Variants in ARHGEF11 observed in about 807,000 individuals in gnomAD.
The protein encoded by ARHGEF11 is Rho guanine exchange factor (GEF) 11.
Under a neutral mutation model 193.7 loss-of-function variants are expected in ARHGEF11, and 55 were observed. The ratio of observed to expected loss-of-function variants is 0.28; its 90% CI spans 0.23 to 0.36. The LOEUF is 0.36. Ranked by LOEUF, ARHGEF11 falls within the 10% of genes least tolerant of loss-of-function variation. The pLI is 1.00. For missense variants in ARHGEF11, 1,723 were observed against 2,005.6 expected, an observed-to-expected ratio of 0.86 and a Z score of 2.69; for synonymous variants, 693 against 768.0, an observed-to-expected ratio of 0.90 and a Z score of 1.62.
At chr1:157,007,052 T>A (rs1342787768) in intron 1 of ARHGEF11, among the ~76,000 whole-genome samples, 2 of 152,090 alleles carry the variant, frequency 1.3e-5, no homozygotes, top group Non-Finnish European at 2.9e-5. Flanking sequence ...CATGACTGAC[T>A]GGGTAAATGA....
intron 1 of ARHGEF11, among the ~76,000 whole-genome samples, chr1:156,992,206 T>C (rs1347225771): frequency 1.3e-5 from 2 of 152,204 alleles, no homozygotes; most frequent in African/African-American, 2.4e-5. Flanking sequence ...ATATTCTTAT[T>C]TTCCTTTCTT....
chr1:157,044,859 G>GA lies in ARHGEF11; in HGVS notation c.-530dup, dbSNP rs371384723. The GA allele has an allele frequency of 8.2e-3, 1,616 of 195,992 alleles. 9 individuals carry two copies. The highest frequency in any genetic ancestry group is 0.025 in the African/African-American group (1,053 of 41,572). 12.1% of individuals were successfully genotyped at this position (195,992 alleles called of 1,614,324 possible). On this transcript the variant is annotated 5_prime_UTR_variant, in exon 1 of 41. An upstream open reading frame in the 5' UTR loses its in-frame stop. Coordinates refer to ENST00000368194, the MANE Select transcript of ARHGEF11 (RefSeq NM_198236.3). Reference sequence around the variant, plus strand: ...CAACAGCAAATATCTTTGAGGAAAGGAAAAAAAAAAGGATTAATAAATCCG... The same window carrying GA: ...CAACAGCAAATATCTTTGAGGAAAGGAAAAAAAAAAAGGATTAATAAATCCG...
rs1205553100 is a variant in ARHGEF11 at position 156,948,742 on chromosome 1, G to C, written c.1926-244C>G. On this transcript the variant is annotated intron_variant, in intron 22 of 40. Transcript: ENST00000368194. The surrounding 1 kb of genome is among the most constrained non-coding windows in gnomAD (Gnocchi z 4.2). ...ATGGATGGACAGTCATCTTCCTCTG[G>C]AGCTATTAGGAAGGGATCCTAACAG... 1 of 1,462,070 alleles carries C rather than the reference G, an allele frequency of 6.8e-7. No homozygotes were observed. Among genetic ancestry groups the C allele is most frequent in the African/African-American group, 1.4e-5 (1 of 71,240 alleles). 90.6% of individuals were successfully genotyped at this position (1,462,070 alleles called of 1,614,324 possible).
intron 6 of ARHGEF11, among the ~76,000 whole-genome samples, chr1:156,977,960 AAC>A (rs1663501464): frequency 6.6e-6 from 1 of 152,202 alleles, no homozygotes; most frequent in Non-Finnish European, 1.5e-5. Flanking sequence ...ACATTTAGGA[AAC>A]ACACAATGTT....
chr1:156,970,708 C>T (rs1284029745), intron 8 of ARHGEF11, among the ~76,000 whole-genome samples: 2 of 152,204 alleles, frequency 1.3e-5, no homozygotes, highest in East Asian at 1.9e-4. Flanking sequence ...GCACAATCAA[C>T]AGTGCAGTGG....
Position 156,978,146 on chromosome 1 carries a change from A to G in ARHGEF11, c.510+58T>C, listed in dbSNP as rs181796909. ...TGGATTTAACTTGCTTTCCTCCCCAATGCGGAGCTTTTCAACAGGACATTA... is the reference window on the plus strand; with the variant it reads ...TGGATTTAACTTGCTTTCCTCCCCAGTGCGGAGCTTTTCAACAGGACATTA... On this transcript the variant is annotated intron_variant, in intron 6 of 40. Coordinates refer to ENST00000368194, the MANE Select transcript of ARHGEF11 (RefSeq NM_198236.3). The G allele has an allele frequency of 5.5e-5, 89 of 1,607,524 alleles. 1 individual carries two copies. In the Middle Eastern group the frequency reaches 8.3e-4, roughly 15 times the overall value.
chr1:156,954,801 G>T, intron 21 of ARHGEF11, 91 bp downstream of exon 21: 1 of 1,065,400 alleles, frequency 9.4e-7, no homozygotes, highest in Non-Finnish European at 1.4e-6. Flanking sequence ...CAGGATGGGA[G>T]ATGATGAGAA....
At chr1:156,949,566 A>T (rs1477570086) in intron 22 of ARHGEF11, among the ~76,000 whole-genome samples, 1 of 152,132 alleles carries the variant, frequency 6.6e-6, no homozygotes, top group Non-Finnish European at 1.5e-5. Flanking sequence ...TAGGGTCCTG[A>T]GGGTTTTGTC....
intron 1 of ARHGEF11, among the ~76,000 whole-genome samples, chr1:157,004,370 C>A (rs1667568608): frequency 6.6e-6 from 1 of 152,196 alleles, no homozygotes; most frequent in Non-Finnish European, 1.5e-5. Context: ...AACTCCATCC[C>A]AGGCGGAAAC....
chr1:157,032,434 A>T (rs1035858677), intron 1 of ARHGEF11, among the ~76,000 whole-genome samples: 1 of 152,228 alleles, frequency 6.6e-6, no homozygotes, highest in Non-Finnish European at 1.5e-5. Context: ...GGAAGTTGTA[A>T]CAATGCAGAT....
chr1:156,947,776 G>C lies in ARHGEF11; in HGVS notation c.2334C>G (p.Val778=). The change falls in exon 25 of 41, where the codon GTC becomes GTG. Residue 778 remains valine (V), a synonymous_variant. Transcript: ENST00000368194. ...AGTGGAGCACGTTCTCACCATTGAT[G>C]ACCTCTTGCCGGTCAATCTCCCGCT... ...LTQREIDRQE[V]INELFVTEAS... is the part of the protein sequence containing the mutation. 6.2e-7 allele frequency: 1 copy of C among 1,613,030 alleles called. No individual in the cohort carries two copies. The highest frequency in any genetic ancestry group is 8.5e-7 in the Non-Finnish European group (1 of 1,179,960).
intron 30 of ARHGEF11, 43 bp downstream of exon 30, chr1:156,944,976 C>A: frequency 6.3e-7 from 1 of 1,598,280 alleles, no homozygotes; most frequent in Non-Finnish European, 8.5e-7. Context: ...TAAGGGTACC[C>A]ACAAAGTGTG....
intron 31 of ARHGEF11, 61 bp downstream of exon 31, chr1:156,944,297 A>G (rs1354674900): frequency 6.4e-7 from 1 of 1,551,718 alleles, no homozygotes; most frequent in East Asian, 2.2e-5. Context: ...GAAAGACAGA[A>G]GAGCCCAGGG....
Position 156,984,764 on chromosome 1 carries a change from C to T in ARHGEF11, c.125-327G>A, listed in dbSNP as rs117214895. Among the ~76,000 whole-genome samples the T allele has an allele frequency of 7.4e-4, 112 of 152,172 alleles. 1 individual carries two copies. In the East Asian group the frequency reaches 0.018, roughly 25 times the overall value. On this transcript the variant is annotated intron_variant, in intron 2 of 40. Coordinates refer to ENST00000368194, the MANE Select transcript of ARHGEF11 (RefSeq NM_198236.3). ...AAAGAAGGGGTAGGACCAGGTCTAGCCATCCTCCTGAAGACTAATATTACC... is the reference window on the plus strand; with the variant it reads ...AAAGAAGGGGTAGGACCAGGTCTAGTCATCCTCCTGAAGACTAATATTACC...
At position 156,969,333 on chromosome 1, in the gene ARHGEF11, C is replaced by A; in HGVS notation, c.774G>T (p.Glu258Asp). The A allele has an allele frequency of 2.5e-6, 4 of 1,609,236 alleles. No individual in the cohort carries two copies. The highest frequency in any genetic ancestry group is 1.7e-5 in the Admixed American group (1 of 59,574). The change falls in exon 10 of 41, where the codon GAG becomes GAT. Residue 258 changes from glutamate (E) to aspartate (D), a missense_variant. Physicochemically the swap from Glu to Asp is conservative, Grantham distance 45 (BLOSUM62 2). Around this residue, in one of 5 missense-constraint regions of ARHGEF11, gnomAD observed 646 missense variants for 710.7 expected, o/e 0.91. Transcript: ENST00000368194. ...TCCCAGAGTCCAAGCCACTGTCCCC[C>A]TCCTGGGAATCCAGAGAGAGCCGGC... Reference protein sequence around the residue: ...SEGRLSLDSQEGDSGLDSGTE... With the variant: ...SEGRLSLDSQDGDSGLDSGTE...
At chr1:156,947,203 G>T in intron 26 of ARHGEF11, 101 bp downstream of exon 26, 1 of 1,512,890 alleles carries the variant, frequency 6.6e-7, no homozygotes, top group South Asian at 1.3e-5. Flanking sequence ...AGGGATTGGT[G>T]GGAGGTTACC....
chr1:156,953,088 G>A (rs1212982782), intron 21 of ARHGEF11, among the ~76,000 whole-genome samples: 3 of 152,232 alleles, frequency 2.0e-5, no homozygotes, highest in Non-Finnish European at 4.4e-5. Flanking sequence ...CTGAGATCTG[G>A]TATAACTGAA....
chr1:156,999,664 T>C (rs1330246023), intron 1 of ARHGEF11, among the ~76,000 whole-genome samples: 5 of 152,066 alleles, frequency 3.3e-5, no homozygotes, highest in African/African-American at 1.2e-4. Flanking sequence ...AAAAAGTATA[T>C]TTTCATTTGA....
chr1:156,974,434 C>A (rs1338665026), intron 7 of ARHGEF11, among the ~76,000 whole-genome samples: 2 of 152,112 alleles, frequency 1.3e-5, no homozygotes, highest in Non-Finnish European at 2.9e-5. Flanking sequence ...CTCACGAAGC[C>A]TTCTGATTAT....
Sources: allele counts gnomAD v4.1 joint callset (sites outside exome capture counted in the v4.1 genomes callset), GRCh38; gene constraint gnomAD v4.1.1; regional missense constraint gnomAD v4.1.1; non-coding constraint Gnocchi (gnomAD v3.1); transcripts MANE v1.5; gene names NCBI Gene and HGNC (gene_info 2026-07-23, HGNC 2026-07-21).